IMPA1: variants seen among roughly 807,000 people sequenced by gnomAD.
IMPA1 encodes the protein inositol monophosphatase 1.
Under a neutral mutation model 34.9 loss-of-function variants are expected in IMPA1, and 21 were observed. That is an observed-to-expected ratio of 0.60 (90% confidence interval 0.43 to 0.87). The LOEUF is 0.87. IMPA1 is among the 40% of genes least tolerant of loss of function. The pLI is 0.00. For synonymous variants in IMPA1, 95 were observed against 104.4 expected (o/e 0.91, Z 0.55); for missense variants, 299 against 336.4 (o/e 0.89, Z 0.87).
At chr8:81,682,133 G>C (rs1807318408) in intron 1 of IMPA1, among the ~76,000 whole-genome samples, 1 of 151,812 alleles carries the variant, frequency 6.6e-6, no homozygotes, top group African/African-American at 2.4e-5. Context: ...ATAACATTCT[G>C]AGAAAAGAAA....
chr8:81,658,882 AAG>A lies in IMPA1; in HGVS notation c.*467_*468del, dbSNP rs1307731815. 6.4e-6 allele frequency: 1 copy of A among 156,062 alleles called. No homozygotes were observed. Among genetic ancestry groups the A allele is most frequent in the Non-Finnish European group, 1.4e-5 (1 of 71,014 alleles). 9.7% of individuals were successfully genotyped at this position (156,062 alleles called of 1,614,324 possible). Reference sequence around the variant, plus strand: ...ATGAACACTGAAGAATAAAACAAAAAAGGTTCTCTGCAAAGAAAAAAAAGTTG... The same window carrying A: ...ATGAACACTGAAGAATAAAACAAAAAGTTCTCTGCAAAGAAAAAAAAGTTG... On this transcript the variant is annotated 3_prime_UTR_variant, in exon 9 of 9. Transcript: ENST00000256108.
chr8:81,681,536 T>C lies in IMPA1; in HGVS notation c.25A>G (p.Met9Val), dbSNP rs780983530. ...CTTGCTAGAGTTACTGCATAATCCATGCATTCCTGCCAAGGATCAGCCATC... is the reference window on the plus strand; with the variant it reads ...CTTGCTAGAGTTACTGCATAATCCACGCATTCCTGCCAAGGATCAGCCATC... Reference protein sequence around the residue: MADPWQECMDYAVTLARQA... With the variant: MADPWQECVDYAVTLARQA... The change falls in exon 2 of 9, where the codon ATG becomes GTG. Residue 9 changes from methionine to valine, a missense_variant. By Grantham distance (21) the Met-to-Val change is conservative. Coordinates refer to ENST00000256108, the MANE Select transcript of IMPA1 (RefSeq NM_005536.4). 2.6e-5 allele frequency: 42 copies of C among 1,608,630 alleles called. No individual in the cohort carries two copies. Among genetic ancestry groups the C allele is most frequent in the South Asian group, 7.7e-5 (7 of 90,966 alleles).
In IMPA1 at chr8:81,685,594, CTA is replaced by C. The variant is rs537100666; in HGVS notation, c.-25+656_-25+657del. ...AAGTATACAGAAGTATATTTATGTA[CTA>C]TATATAAGTATATATACTATACATA... On this transcript the variant is annotated intron_variant, in intron 1 of 8. Transcript: ENST00000256108. 1.8e-3 allele frequency among the ~76,000 whole-genome samples: 240 copies of C among 134,560 alleles called. 2 individuals carry two copies. Among genetic ancestry groups the C allele is most frequent in the African/African-American group, 6.1e-3 (230 of 37,798 alleles). The allele number at this position is 134,560 out of a possible 152,430, so 88.3% of individuals were successfully genotyped here. A position where few individuals can be genotyped will look rare whatever the true frequency, so the allele number is the denominator to read the frequency against.
intron 6 of IMPA1, 85 bp from the exon 7 acceptor site, chr8:81,671,132 TCTTC>T (rs753807160): frequency 1.7e-4 from 95 of 555,826 alleles, no homozygotes; most frequent in Non-Finnish European, 2.5e-4. Flanking sequence ...TTTGTATCCC[TCTTC>T]CTTGTTTTAT....
At chr8:81,664,030 T>G (rs984277302) in intron 7 of IMPA1, among the ~76,000 whole-genome samples, 1 of 151,364 alleles carries the variant, frequency 6.6e-6, no homozygotes, top group Non-Finnish European at 1.5e-5. Flanking sequence ...AGAGACTCCG[T>G]CTCAGAAAAA....
chr8:81,664,434 C>G (rs1239074857), intron 7 of IMPA1, among the ~76,000 whole-genome samples: 2 of 152,092 alleles, frequency 1.3e-5, no homozygotes, highest in African/African-American at 4.8e-5. Context: ...GCAGAGAAGG[C>G]AGAAAAGACT....
At chr8:81,682,508 G>A (rs1807330129) in intron 1 of IMPA1, among the ~76,000 whole-genome samples, 1 of 152,086 alleles carries the variant, frequency 6.6e-6, no homozygotes, top group Non-Finnish European at 1.5e-5. Context: ...AGACCCACAC[G>A]CTAAATTTCT....
chr8:81,673,764 C>A, intron 6 of IMPA1, 77 bp downstream of exon 6: 1 of 812,676 alleles, frequency 1.2e-6, no homozygotes, highest in Non-Finnish European at 2.1e-6. Flanking sequence ...CTGGAGAATT[C>A]CATAGGTGAA....
chr8:81,685,323 ATATAG>A (rs1807477894), intron 1 of IMPA1, among the ~76,000 whole-genome samples: 1 of 136,078 alleles, frequency 7.3e-6, no homozygotes, highest in Non-Finnish European at 1.5e-5. Context: ...TGTACTATAC[ATATAG>A]TATATTTATA....
intron 5 of IMPA1, among the ~76,000 whole-genome samples, chr8:81,675,983 A>G (rs1266357716): frequency 6.6e-6 from 1 of 152,244 alleles, no homozygotes; most frequent in Admixed American, 6.5e-5. Flanking sequence ...AATGGTTACT[A>G]AATACTGAGT....
chr8:81,671,646 C>A (rs1277235207), intron 6 of IMPA1, among the ~76,000 whole-genome samples: 1 of 152,090 alleles, frequency 6.6e-6, no homozygotes, highest in Non-Finnish European at 1.5e-5. Flanking sequence ...ACCTGTAATC[C>A]CAGCACTTTG....
In IMPA1 at chr8:81,659,363, G is replaced by A. The variant is rs372313423; in HGVS notation, c.822C>T (p.Asp274=). 127 of 1,594,702 alleles carry A rather than the reference G, an allele frequency of 8.0e-5. No individual in the cohort carries two copies. Among genetic ancestry groups the A allele is most frequent in the Admixed American group, 5.0e-4 (30 of 59,920 alleles). Residue 274 remains aspartate (D), a synonymous_variant, in exon 9 of 9, where the codon GAC becomes GAT. Coordinates refer to ENST00000256108, the MANE Select transcript of IMPA1 (RefSeq NM_005536.4). The part of the protein sequence containing the change: ...KEIQVIPLQR[D]DED ...GAGGCTGCCTTAATTAATCTTCGTCGTCTCGTTGCAAAGGTATAACCTGAA... is the reference window on the plus strand; with the variant it reads ...GAGGCTGCCTTAATTAATCTTCGTCATCTCGTTGCAAAGGTATAACCTGAA...
At position 81,659,335 on chromosome 8, in the gene IMPA1, T is replaced by A. The variant is rs1421741370; in HGVS notation, c.*16A>T. 7.1e-7 allele frequency: 1 copy of A among 1,417,982 alleles called. No individual in the cohort carries two copies. The highest frequency in any genetic ancestry group is 1.1e-5 in the South Asian group (1 of 87,088). The allele number at this position is 1,417,982 out of a possible 1,614,324, so 87.8% of individuals were successfully genotyped here. A position where few individuals can be genotyped will look rare whatever the true frequency, so the allele number is the denominator to read the frequency against. On this transcript the variant is annotated 3_prime_UTR_variant, in exon 9 of 9. Transcript: ENST00000256108. ...CTGGGGAAAAGCAACTGGGATTGAC[T>A]ATGAGGCTGCCTTAATTAATCTTCG...
intron 1 of IMPA1, among the ~76,000 whole-genome samples, chr8:81,684,599 A>ACTATGTG (rs1563592580): frequency 1.2e-4 from 13 of 107,974 alleles, no homozygotes; most frequent in East Asian, 5.4e-4. Flanking sequence ...ATCTTTAGAT[A>ACTATGTG]TATATATCTA....
chr8:81,657,362 G>A lies in IMPA1; in HGVS notation c.*1989C>T, dbSNP rs921183710. 3.3e-5 allele frequency among the ~76,000 whole-genome samples: 5 copies of A among 152,110 alleles called. No homozygotes were observed. Among genetic ancestry groups the A allele is most frequent in the African/African-American group, 1.2e-4 (5 of 41,410 alleles). Reference sequence around the variant, plus strand: ...AGCACTTTAGAAGGCTGAGGCAGGAGGATCACTTGAGCCCAATGAGACCAG... The same window carrying A: ...AGCACTTTAGAAGGCTGAGGCAGGAAGATCACTTGAGCCCAATGAGACCAG... On this transcript the variant is annotated 3_prime_UTR_variant, in exon 9 of 9. Coordinates refer to ENST00000256108, the MANE Select transcript of IMPA1 (RefSeq NM_005536.4).
At chr8:81,672,967 A>T (rs59402985) in intron 6 of IMPA1, among the ~76,000 whole-genome samples, 11,578 of 152,254 alleles carry the variant, frequency 0.076, 592 homozygotes, top group East Asian at 0.14. Context: ...TGAGGACCCA[A>T]AAAACACTAA....
In IMPA1 at chr8:81,679,150, T is replaced by G. The variant is rs763022268; in HGVS notation, c.278A>C (p.Asp93Ala). ...DNPTWIIDPI[D>A]GTTNFVHRFP... is the part of the protein sequence containing the mutation. Reference sequence around the variant, plus strand: ...CCTATGTACAAAGTTAGTTGTTCCATCAATAGGGTCAATGATCCATGTGGG... The same window carrying G: ...CCTATGTACAAAGTTAGTTGTTCCAGCAATAGGGTCAATGATCCATGTGGG... Residue 93 changes from aspartate (D) to alanine (A), a missense_variant, in exon 4 of 9, where the codon GAT (aspartate) becomes GCT (alanine). Transcript: ENST00000256108. The G allele has an allele frequency of 1.2e-6, 2 of 1,612,436 alleles. No individual in the cohort carries two copies. Among genetic ancestry groups the G allele is most frequent in the Non-Finnish European group, 1.7e-6 (2 of 1,178,436 alleles).
At chr8:81,679,421 T>C (rs556998292) in intron 3 of IMPA1, among the ~76,000 whole-genome samples, 191 bp from the exon 4 acceptor site, 2 of 152,226 alleles carry the variant, frequency 1.3e-5, no homozygotes, top group Admixed American at 1.3e-4. Flanking sequence ...AAGACCAGCC[T>C]GGCCAATGTG....
chr8:81,661,651 T>C (rs58717980), intron 7 of IMPA1, among the ~76,000 whole-genome samples: 2,921 of 152,312 alleles, frequency 0.019, 89 homozygotes, highest in African/African-American at 0.066. Flanking sequence ...GACAACTAAA[T>C]GCAATACATG....
Sources: allele counts gnomAD v4.1 joint callset (sites outside exome capture counted in the v4.1 genomes callset), GRCh38; gene constraint gnomAD v4.1.1; transcripts MANE v1.5; gene names NCBI Gene and HGNC (gene_info 2026-07-23, HGNC 2026-07-21).